Variants in PITPNC1 observed in about 807,000 individuals in gnomAD.
PITPNC1 encodes the protein cytoplasmic phosphatidylinositol transfer protein 1.
A neutral mutation model predicts 44.7 loss-of-function variants in PITPNC1; 18 were observed. The ratio of observed to expected loss-of-function variants is 0.40; its 90% CI spans 0.28 to 0.60. The LOEUF (loss-of-function observed/expected upper bound fraction) is 0.60, where lower values mean the gene tolerates loss of function less well. Among genes scored for constraint, PITPNC1 ranks in the 20% least tolerant of loss-of-function variants. PITPNC1 has a pLI of 0.39. For synonymous variants in PITPNC1, 141 were observed against 149.6 expected (o/e 0.94, Z 0.42); for missense variants, 290 against 418.4 (o/e 0.69, Z 2.68).
intron 1 of PITPNC1, among the ~76,000 whole-genome samples, chr17:67,409,068 A>ATTT (rs2038449910): frequency 2.6e-4 from 27 of 102,228 alleles, no homozygotes; most frequent in Non-Finnish European, 3.6e-4. Context: ...GTCCAAATTC[A>ATTT]TTCTTTTTTT....
intron 6 of PITPNC1, among the ~76,000 whole-genome samples, chr17:67,667,254 C>A (rs1450914087): frequency 6.6e-6 from 1 of 152,042 alleles, no homozygotes; most frequent in Non-Finnish European, 1.5e-5. Context: ...ACTGGCTGGG[C>A]CCGGTGACCC....
At chr17:67,495,847 G>C (rs1361755136) in intron 1 of PITPNC1, among the ~76,000 whole-genome samples, 1 of 152,186 alleles carries the variant, frequency 6.6e-6, no homozygotes. Flanking sequence ...TAAGGGAAGA[G>C]GACGTTTAGC....
At chr17:67,594,790 CA>C (rs2041439250) in intron 5 of PITPNC1, among the ~76,000 whole-genome samples, 1 of 152,196 alleles carries the variant, frequency 6.6e-6, no homozygotes, top group Admixed American at 6.5e-5. Context: ...AACTCCTTAG[CA>C]GCTAGTTAAG....
At chr17:67,568,078 T>C (rs1405089253) in intron 4 of PITPNC1, among the ~76,000 whole-genome samples, 1 of 152,114 alleles carries the variant, frequency 6.6e-6, no homozygotes, top group African/African-American at 2.4e-5. Context: ...GTATTGTTCA[T>C]AGTAGCCAAA....
chr17:67,377,947 G>C lies in PITPNC1; in HGVS notation c.-208G>C. On this transcript the variant is annotated 5_prime_UTR_variant, in exon 1 of 9. Transcript: ENST00000581322. ...ACCGGCCTCGGCGAGGGAGGAGGCG[G>C]GGGAGCTGCGAACACCCAGACCCAA... 2.4e-6 allele frequency: 1 copy of C among 412,218 alleles called. No individual in the cohort carries two copies. The highest frequency in any genetic ancestry group is 4.3e-6 in the Non-Finnish European group (1 of 234,740). 25.5% of individuals were successfully genotyped at this position (412,218 alleles called of 1,614,324 possible).
intron 5 of PITPNC1, among the ~76,000 whole-genome samples, chr17:67,625,656 C>T (rs903602423): frequency 6.6e-6 from 1 of 152,188 alleles, no homozygotes; most frequent in Non-Finnish European, 1.5e-5. Context: ...CTTCCCACTG[C>T]TCCGTGGCAG....
rs940134427 is a variant in PITPNC1, at chr17:67,508,258, T to C, written c.49-24544T>C. Among the ~76,000 whole-genome samples the C allele has an allele frequency of 2.6e-5, 4 of 152,110 alleles. No homozygotes were observed. Among genetic ancestry groups the C allele is most frequent in the Non-Finnish European group, 5.9e-5 (4 of 67,994 alleles). On this transcript the variant is annotated intron_variant, in intron 1 of 8. Transcript: ENST00000581322. The surrounding 1 kb of genome is among the most constrained non-coding windows in gnomAD (Gnocchi z 4.2). ...AGTGAAAGCAAGTTTATTAAGAAAG[T>C]AGAGAATAAAAGAATGGCTACTCCA... is the stretch of plus-strand genomic sequence containing the variant.
At chr17:67,673,982 A>G (rs1031555820) in intron 7 of PITPNC1, among the ~76,000 whole-genome samples, 11 of 151,714 alleles carry the variant, frequency 7.3e-5, no homozygotes, top group African/African-American at 2.4e-4. Context: ...AAAAAAAAAA[A>G]AAAAAAAGAT....
At chr17:67,586,245 T>C (rs1447263517) in intron 5 of PITPNC1, among the ~76,000 whole-genome samples, 1 of 152,140 alleles carries the variant, frequency 6.6e-6, no homozygotes, top group East Asian at 1.9e-4. Context: ...AATAACAAGA[T>C]ACTGTTCGTG....
At chr17:67,540,261 G>A (rs902599501) in intron 2 of PITPNC1, among the ~76,000 whole-genome samples, 4 of 151,814 alleles carry the variant, frequency 2.6e-5, no homozygotes, top group South Asian at 2.1e-4. Context: ...ATGCTCCCAC[G>A]CCTGGCTAAT....
intron 1 of PITPNC1, among the ~76,000 whole-genome samples, chr17:67,465,500 T>C (rs2039412806): frequency 6.6e-6 from 1 of 152,170 alleles, no homozygotes. Context: ...CATGCCAATG[T>C]TGAATTGTCC....
At chr17:67,385,530 C>T (rs1419391961) in intron 1 of PITPNC1, among the ~76,000 whole-genome samples, 2 of 142,130 alleles carry the variant, frequency 1.4e-5, no homozygotes, top group South Asian at 2.6e-4. Flanking sequence ...AAGCTTTGCT[C>T]TTTTGCTGTT....
intron 1 of PITPNC1, among the ~76,000 whole-genome samples, chr17:67,463,455 G>A (rs927068476): frequency 3.3e-5 from 5 of 152,120 alleles, no homozygotes; most frequent in African/African-American, 9.7e-5. Context: ...TGTCATCTCC[G>A]TGTTGTAATC....
At chr17:67,573,081 C>T (rs1023566036) in intron 4 of PITPNC1, among the ~76,000 whole-genome samples, 3 of 152,160 alleles carry the variant, frequency 2.0e-5, no homozygotes, top group Non-Finnish European at 2.9e-5. Context: ...TTAAGCCACG[C>T]AGTTTGTGGA....
Position 67,433,297 on chromosome 17 carries a change from G to C in PITPNC1, c.48+55095G>C, listed in dbSNP as rs75559482. ...ACAGGTGCAGAGCAGAGATTGCTAAGGTCTTAGCCGCGGGCTGCGGGAGCG... is the reference window on the plus strand; with the variant it reads ...ACAGGTGCAGAGCAGAGATTGCTAACGTCTTAGCCGCGGGCTGCGGGAGCG... On this transcript the variant is annotated intron_variant, in intron 1 of 8. Transcript: ENST00000581322. Among the ~76,000 whole-genome samples, 919 of 152,322 alleles carry C rather than the reference G, an allele frequency of 6.0e-3. 12 individuals are homozygous for C. The highest frequency in any genetic ancestry group is 0.021 in the African/African-American group (887 of 41,574).
chr17:67,534,392 C>CT (rs1209807231), intron 2 of PITPNC1, among the ~76,000 whole-genome samples: 2 of 152,028 alleles, frequency 1.3e-5, no homozygotes, highest in Admixed American at 6.6e-5. Context: ...AATCCCAGCA[C>CT]TTTGGGAGGC....
In PITPNC1 at chr17:67,693,545, T is replaced by C. The variant is rs1243213438; in HGVS notation, c.*657T>C. 2 of 152,640 alleles carry C rather than the reference T, an allele frequency of 1.3e-5. No individual in the cohort carries two copies. The highest frequency in any genetic ancestry group is 4.8e-5 in the African/African-American group (2 of 41,456). The allele number at this position is 152,640 out of a possible 1,614,324, so 9.5% of individuals were successfully genotyped here. A position where few individuals can be genotyped will look rare whatever the true frequency, so the allele number is the denominator to read the frequency against. ...TCTGTCTTTTAATAACTTTCCCCTTTTGTGCCCTTGTGGCCTCAGAAATCC... is the reference window on the plus strand; with the variant it reads ...TCTGTCTTTTAATAACTTTCCCCTTCTGTGCCCTTGTGGCCTCAGAAATCC... On this transcript the variant is annotated 3_prime_UTR_variant, in exon 9 of 9. Transcript: ENST00000581322.
chr17:67,396,020 C>T (rs559895006), intron 1 of PITPNC1, among the ~76,000 whole-genome samples: 101 of 152,286 alleles, frequency 6.6e-4, no homozygotes, highest in Non-Finnish European at 8.4e-4. Flanking sequence ...TTGCGTTTGA[C>T]GGAAACTTGG....
intron 6 of PITPNC1, among the ~76,000 whole-genome samples, chr17:67,656,564 G>C (rs1159758878): frequency 6.6e-6 from 1 of 152,130 alleles, no homozygotes; most frequent in East Asian, 1.9e-4. Context: ...TTTTGGGGAG[G>C]ATTTATTTAA....
Sources: gnomAD v4.1 joint callset for allele counts (sites outside exome capture counted in the v4.1 genomes callset) on GRCh38, gnomAD v4.1.1 for gene constraint, Gnocchi (gnomAD v3.1) non-coding constraint, MANE v1.5 for transcripts, NCBI Gene and HGNC (gene_info 2026-07-23, HGNC 2026-07-21) for gene names.